COL24A1: variants seen among roughly 807,000 people sequenced by gnomAD.
COL24A1 encodes collagen alpha-1(XXIV) chain.
In COL24A1, 224 loss-of-function variants were observed where a neutral mutation model predicts 253.9. That is an observed-to-expected ratio of 0.88 (90% CI 0.79 to 0.99). COL24A1 has a LOEUF of 0.99. COL24A1 is among the 50% of genes least tolerant of loss of function. COL24A1 has a pLI of 0.00. For synonymous variants in COL24A1, 685 were observed against 673.7 expected (o/e 1.02, Z -0.26); for missense variants, 2,131 against 2,068.5 (o/e 1.03, Z -0.59).
At chr1:85,814,797 T>C (rs1441223011) in intron 47 of COL24A1, among the ~76,000 whole-genome samples, 1 of 152,230 alleles carries the variant, frequency 6.6e-6, no homozygotes, top group Non-Finnish European at 1.5e-5. Flanking sequence ...ATTAATGACT[T>C]TGATATGTCA....
Position 85,785,950 on chromosome 1 carries a change from C to T in COL24A1, c.4059+404G>A, listed in dbSNP as rs185337313. Among the ~76,000 whole-genome samples, 122 of 152,168 alleles carry T rather than the reference C, an allele frequency of 8.0e-4. 1 individual carries two copies. The highest frequency in any genetic ancestry group is 6.8e-3 in the Middle Eastern group (2 of 294). On this transcript the variant is annotated intron_variant, in intron 48 of 59. Coordinates refer to ENST00000370571, the MANE Select transcript of COL24A1 (RefSeq NM_152890.7). Reference sequence around the variant, plus strand: ...CATTAACTCTAAGAAACAGTCTGTACGGTTATCAGATTAATTAATTGGTTG... The same window carrying T: ...CATTAACTCTAAGAAACAGTCTGTATGGTTATCAGATTAATTAATTGGTTG...
chr1:86,078,302 C>A (rs72960374), intron 7 of COL24A1, among the ~76,000 whole-genome samples: 12,122 of 152,098 alleles, frequency 0.08, 527 homozygotes, highest in Middle Eastern at 0.13. Flanking sequence ...ACGGAATATA[C>A]CTTTTCATAA....
At chr1:85,996,619 G>A (rs1694819724) in intron 19 of COL24A1, among the ~76,000 whole-genome samples, 1 of 152,050 alleles carries the variant, frequency 6.6e-6, no homozygotes, top group Non-Finnish European at 1.5e-5. Flanking sequence ...CTGGGCGACA[G>A]AGGGAGACTC....
chr1:85,842,430 G>C, intron 39 of COL24A1, 37 bp from the exon 40 acceptor site: 145 of 1,270,480 alleles, frequency 1.1e-4, no homozygotes, highest in Non-Finnish European at 1.5e-4. Context: ...GAGAGAGAAA[G>C]TAAAGAATTG....
chr1:86,055,183 T>C (rs1700579833), intron 10 of COL24A1, among the ~76,000 whole-genome samples: 1 of 152,186 alleles, frequency 6.6e-6, no homozygotes, highest in East Asian at 1.9e-4. Context: ...AAAAACTACC[T>C]ATTGGGTACT....
chr1:85,915,582 G>C (rs543135676), intron 24 of COL24A1, among the ~76,000 whole-genome samples: 90 of 152,268 alleles, frequency 5.9e-4, no homozygotes, highest in Non-Finnish European at 1.2e-3. Flanking sequence ...ATGAAATAGA[G>C]CTATCTGTTG....
rs1381493270 is a variant in COL24A1, at chr1:85,868,605, G to A, written c.3214C>T (p.Leu1072Phe). The A allele has an allele frequency of 2.5e-6, 4 of 1,613,636 alleles. No homozygotes were observed. The highest frequency in any genetic ancestry group is 3.4e-6 in the Non-Finnish European group (4 of 1,179,758). ...CCTTTTTCTCCATCCTCTCCAGGAA[G>A]TCCCCTTCCTCCTGGTACTCCCTGT... ...GLKGVPGGRG[L>F]PGEDGEKGEM... The change falls in exon 37 of 60, where the codon CTT becomes TTT. Residue 1072 changes from leucine (L) to phenylalanine (F), a missense_variant. Coordinates refer to ENST00000370571, the MANE Select transcript of COL24A1 (RefSeq NM_152890.7).
chr1:85,976,484 C>T (rs542417834), intron 20 of COL24A1, among the ~76,000 whole-genome samples: 3 of 152,106 alleles, frequency 2.0e-5, no homozygotes, highest in South Asian at 2.1e-4. Flanking sequence ...GCAAGCCCTG[C>T]CCAAGGAGAG....
At chr1:85,830,091 A>G (rs1253403271) in intron 43 of COL24A1, among the ~76,000 whole-genome samples, 5 of 151,856 alleles carry the variant, frequency 3.3e-5, no homozygotes, top group Non-Finnish European at 5.9e-5. Flanking sequence ...TGATGTACAG[A>G]TGGGTTTTCG....
At chr1:85,739,682 C>A (rs1664401516) in intron 57 of COL24A1, among the ~76,000 whole-genome samples, 1 of 152,148 alleles carries the variant, frequency 6.6e-6, no homozygotes, top group African/African-American at 2.4e-5. Flanking sequence ...AGAAAATCTA[C>A]TTATGACCTA....
At chr1:85,877,925 T>C (rs1681370583) in intron 32 of COL24A1, among the ~76,000 whole-genome samples, 1 of 152,180 alleles carries the variant, frequency 6.6e-6, no homozygotes, top group African/African-American at 2.4e-5. Context: ...TTTTTTTTAC[T>C]GACTGTACAG....
chr1:85,868,782 C>G lies in COL24A1; in HGVS notation c.3192G>C (p.Lys1064Asn), dbSNP rs762008189. 1 of 1,560,274 alleles carries G rather than the reference C, an allele frequency of 6.4e-7. No individual in the cohort carries two copies. Among genetic ancestry groups the G allele is most frequent in the Non-Finnish European group, 8.7e-7 (1 of 1,146,056 alleles). Residue 1064 changes from lysine to asparagine, a missense_variant and splice_region_variant, in exon 36 of 60, where the codon AAG (lysine) becomes AAC (asparagine). Transcript: ENST00000370571. ...EEGLQGKDGLKGVPGGRGLPG... is the reference protein window; with the variant it reads ...EEGLQGKDGLNGVPGGRGLPG... Reference sequence around the variant, plus strand: ...ATATAATCTTAAAAGTATAATTTACCTTTAACCCATCTTTTCCCTGGAGAC... The same window carrying G: ...ATATAATCTTAAAAGTATAATTTACGTTTAACCCATCTTTTCCCTGGAGAC...
At chr1:86,065,386 C>G (rs1006752037) in intron 7 of COL24A1, among the ~76,000 whole-genome samples, 1 of 152,132 alleles carries the variant, frequency 6.6e-6, no homozygotes, top group Non-Finnish European at 1.5e-5. Context: ...TTCCCCAAAT[C>G]ACTCCATAAT....
intron 20 of COL24A1, among the ~76,000 whole-genome samples, chr1:85,979,585 G>A (rs1434811645): frequency 1.3e-5 from 2 of 151,866 alleles, no homozygotes; most frequent in Admixed American, 6.6e-5. Flanking sequence ...AAAACTTAGA[G>A]GAGATGTATA....
At chr1:86,031,262 G>C (rs888290935) in intron 14 of COL24A1, among the ~76,000 whole-genome samples, 1 of 151,716 alleles carries the variant, frequency 6.6e-6, no homozygotes, top group African/African-American at 2.4e-5. Context: ...GTAGGAGTGG[G>C]GGTTATAAAA....
chr1:85,775,010 T>C (rs1668382964), intron 53 of COL24A1, among the ~76,000 whole-genome samples: 1 of 152,240 alleles, frequency 6.6e-6, no homozygotes, highest in African/African-American at 2.4e-5. Context: ...GGGCATTTAG[T>C]GCTATAAATT....
intron 3 of COL24A1, among the ~76,000 whole-genome samples, chr1:86,117,553 A>G (rs6686533): frequency 0.76 from 115,207 of 151,940 alleles, 43,673 homozygotes; most frequent in Middle Eastern, 0.86. Context: ...GGGGGGAAAA[A>G]GAGGTATAGT....
At chr1:85,865,083 C>T (rs1438025165) in intron 37 of COL24A1, among the ~76,000 whole-genome samples, 1 of 151,618 alleles carries the variant, frequency 6.6e-6, no homozygotes, top group African/African-American at 2.4e-5. Context: ...ATTACTGATG[C>T]TTCCCTTGCT....
rs10526604 is a variant in COL24A1 at position 85,906,264 on chromosome 1, C to CTTTTTTTTTTTTTTTTTTTTTT, written c.2778+929_2778+930insAAAAAAAAAAAAAAAAAAAAAA. 2.9e-3 allele frequency among the ~76,000 whole-genome samples: 225 copies of CTTTTTTTTTTTTTTTTTTTTTT among 77,824 alleles called. 57 individuals are homozygous for CTTTTTTTTTTTTTTTTTTTTTT. Among genetic ancestry groups the CTTTTTTTTTTTTTTTTTTTTTT allele is most frequent in the African/African-American group, 8.4e-3 (163 of 19,400 alleles). The allele number at this position is 77,824 out of a possible 152,430, so 51.1% of individuals were successfully genotyped here. On this transcript the variant is annotated intron_variant, in intron 28 of 59. Coordinates refer to ENST00000370571, the MANE Select transcript of COL24A1 (RefSeq NM_152890.7). ...TTTGCCAACTGGAAAACTGCAAGGT[C>CTTTTTTTTTTTTTTTTTTTTTT]TTTTTTTTTTTTTACCATGGTTAGG...
Sources: allele counts gnomAD v4.1 joint callset (sites outside exome capture counted in the v4.1 genomes callset), GRCh38; gene constraint gnomAD v4.1.1; transcripts MANE v1.5; gene names NCBI Gene and HGNC (gene_info 2026-07-23, HGNC 2026-07-21).